DMD: variants seen among roughly 807,000 people sequenced by gnomAD.
DMD encodes the protein dystrophin.
In DMD, 63 loss-of-function variants were observed where a neutral mutation model predicts 330.1. The ratio of observed to expected loss-of-function variants is 0.19; its 90% CI spans 0.16 to 0.24. The LOEUF (loss-of-function observed/expected upper bound fraction) is 0.24, where lower values mean the gene tolerates loss of function less well. Ranked by LOEUF, DMD falls within the 10% of genes least tolerant of loss-of-function variation. The pLI, the probability that DMD is intolerant of heterozygous loss-of-function variation, is 1.00. For synonymous variants in DMD, 1,223 were observed against 959.8 expected (o/e 1.27, Z -5.07); for missense variants, 3,344 against 2,684.1 (o/e 1.25, Z -5.43).
At chrX:33,266,704 G>C (rs1479118924) in intron 1 of DMD, among the ~76,000 whole-genome samples, 2 of 111,596 alleles carry the variant, frequency 1.8e-5, no homozygotes, top group African/African-American at 6.5e-5. Context: ...ATCTCATCAA[G>C]TAAAAAGTAG....
chrX:32,614,097 T>C (rs774665946), intron 12 of DMD, among the ~76,000 whole-genome samples: 43 of 110,911 alleles, frequency 3.9e-4, no homozygotes, highest in Admixed American at 6.7e-4. Flanking sequence ...CATCTCCTAA[T>C]ACAATCACCT....
chrX:32,247,540 TATAA>T (rs1265473635), intron 43 of DMD, among the ~76,000 whole-genome samples: 1 of 112,026 alleles, frequency 8.9e-6, no homozygotes, highest in Non-Finnish European at 1.9e-5. Flanking sequence ...GTCCTTGACA[TATAA>T]ATAGTGTTTC....
intron 60 of DMD, among the ~76,000 whole-genome samples, chrX:31,442,451 T>C (rs2149065219): frequency 9.0e-6 from 1 of 111,448 alleles, no homozygotes. Context: ...TTTTTACTCA[T>C]TGTAAAGAAT....
chrX:33,296,183 A>G (rs2053581157), intron 1 of DMD, among the ~76,000 whole-genome samples: 1 of 111,032 alleles, frequency 9.0e-6, no homozygotes, highest in African/African-American at 3.3e-5. Flanking sequence ...TTCTCTTGTG[A>G]AAGGTATTCC....
chrX:33,175,310 A>T (rs1274489784), intron 1 of DMD, among the ~76,000 whole-genome samples: 3 of 112,484 alleles, frequency 2.7e-5, no homozygotes, highest in Non-Finnish European at 5.6e-5. Context: ...GGATAACTAC[A>T]AGGCCTGTTA....
chrX:33,245,828 T>C (rs986798879), intron 1 of DMD, among the ~76,000 whole-genome samples: 1 of 112,020 alleles, frequency 8.9e-6, no homozygotes, highest in African/African-American at 3.2e-5. Flanking sequence ...AAGAACAGAA[T>C]GAAAACTGAA....
At chrX:31,992,848 T>A (rs2095559913) in intron 44 of DMD, among the ~76,000 whole-genome samples, 3 of 111,842 alleles carry the variant, frequency 2.7e-5, no homozygotes, top group Admixed American at 1.9e-4. Context: ...TCACCAAAAA[T>A]CTACAATACA....
chrX:31,830,288 T>C (rs1342147937), intron 49 of DMD, among the ~76,000 whole-genome samples: 1 of 112,811 alleles, frequency 8.9e-6, no homozygotes, highest in Non-Finnish European at 1.9e-5. Flanking sequence ...GTTAGTCTAT[T>C]GGGAATTTTT....
chrX:31,782,979 A>G (rs1355304529), intron 50 of DMD, among the ~76,000 whole-genome samples: 1 of 111,827 alleles, frequency 8.9e-6, no homozygotes, highest in African/African-American at 3.2e-5. Flanking sequence ...GTATGTAATA[A>G]TAAGAGCCAA....
At chrX:32,021,987 C>G (rs2095809154) in intron 44 of DMD, among the ~76,000 whole-genome samples, 1 of 111,833 alleles carries the variant, frequency 8.9e-6, no homozygotes. Flanking sequence ...GTTTTCCTTT[C>G]TAAATACAAT....
intron 62 of DMD, among the ~76,000 whole-genome samples, chrX:31,323,334 A>G (rs7053818): frequency 8.9e-6 from 1 of 111,830 alleles, no homozygotes; most frequent in Admixed American, 9.5e-5. Flanking sequence ...TTTTGGTTCT[A>G]TTGTGAAAAA....
chrX:32,922,599 C>T (rs1454635119), intron 2 of DMD, among the ~76,000 whole-genome samples: 1 of 112,171 alleles, frequency 8.9e-6, no homozygotes, highest in Non-Finnish European at 1.9e-5. Flanking sequence ...CCCTCGCATG[C>T]GCAGGTCACA....
intron 44 of DMD, among the ~76,000 whole-genome samples, chrX:31,981,453 G>C (rs2150257189): frequency 9.0e-6 from 1 of 111,507 alleles, no homozygotes; most frequent in African/African-American, 3.3e-5. Flanking sequence ...AGAAACGAGG[G>C]ACAGAGAACT....
intron 60 of DMD, among the ~76,000 whole-genome samples, chrX:31,405,214 G>C (rs1341162780): frequency 8.9e-6 from 1 of 111,906 alleles, no homozygotes; most frequent in Non-Finnish European, 1.9e-5. Flanking sequence ...GTATAGGCAA[G>C]AGTGATATTT....
At chrX:31,991,228 C>A (rs911382759) in intron 44 of DMD, among the ~76,000 whole-genome samples, 6 of 111,191 alleles carry the variant, frequency 5.4e-5, no homozygotes, top group Admixed American at 2.9e-4. Flanking sequence ...TTTAAGGAGA[C>A]AAACGATATG....
At chrX:31,862,994 C>G (rs1184163704) in intron 48 of DMD, among the ~76,000 whole-genome samples, 1 of 113,007 alleles carries the variant, frequency 8.8e-6, no homozygotes, top group East Asian at 2.8e-4. Flanking sequence ...CCAGTCCTCA[C>G]TTGGGGCTAA....
Position 31,199,718 on chromosome X carries a change from C to T in DMD, c.9807+4243G>A, listed in dbSNP as rs186718251. Among the ~76,000 whole-genome samples, 26 of 111,423 alleles carry T rather than the reference C, an allele frequency of 2.3e-4. No homozygotes were observed. The East Asian group carries it at 5.1e-3, about 22-fold the overall frequency. ...CCAACCTGAAACAAAGTAAGGTTTC[C>T]AGGTGGTGACAAGAAATCAAAGGAA... is the stretch of plus-strand genomic sequence containing the variant. On this transcript the variant is annotated intron_variant, in intron 67 of 78. Transcript: ENST00000357033.
intron 13 of DMD, among the ~76,000 whole-genome samples, chrX:32,578,848 G>C (rs16990471): frequency 0.049 from 5,401 of 111,009 alleles, 133 homozygotes; most frequent in African/African-American, 0.086. Context: ...GAAAGAGGGA[G>C]GCAGAAAACA....
At chrX:31,486,849 A>T (rs1342520684) in intron 57 of DMD, among the ~76,000 whole-genome samples, 1 of 112,092 alleles carries the variant, frequency 8.9e-6, no homozygotes, top group Non-Finnish European at 1.9e-5. Flanking sequence ...AAGTTGCTGA[A>T]TATATTCTGT....
Sources: gnomAD v4.1 joint callset for allele counts (sites outside exome capture counted in the v4.1 genomes callset) on GRCh38, gnomAD v4.1.1 for gene constraint, MANE v1.5 for transcripts, NCBI Gene and HGNC (gene_info 2026-07-23, HGNC 2026-07-21) for gene names.